The following FGF13 variants were observed in gnomAD, a reference collection of about 807,000 sequenced individuals.
FGF13 encodes fibroblast growth factor 13.
Under a neutral mutation model 19.5 loss-of-function variants are expected in FGF13, and 2 were observed. That is an observed-to-expected ratio of 0.10 (90% CI 0.04 to 0.32). The LOEUF (loss-of-function observed/expected upper bound fraction) is 0.32, where lower values mean the gene tolerates loss of function less well. FGF13 is among the 10% of genes least tolerant of loss of function. FGF13 has a pLI of 1.00. For synonymous variants in FGF13, 72 were observed against 76.9 expected, an observed-to-expected ratio of 0.94 and a Z score of 0.33; for missense variants, 113 against 192.7, an observed-to-expected ratio of 0.59 and a Z score of 2.45.
intron 3 of FGF13, among the ~76,000 whole-genome samples, chrX:138,776,162 T>C (rs147476211): frequency 6.9e-4 from 78 of 112,311 alleles, no homozygotes; most frequent in African/African-American, 2.5e-3. Context: ...ACTGATATTA[T>C]GTATTTGTGC....
rs188890920 is a variant in FGF13 at position 138,631,271 on chromosome X, A to C, written c.*1579T>G. On this transcript the variant is annotated 3_prime_UTR_variant, in exon 5 of 5. Coordinates refer to ENST00000315930, the MANE Select transcript of FGF13 (RefSeq NM_004114.5). The stretch of plus-strand genomic sequence containing the variant: ...CCTGTGTATTCCCTCTAGAGAGGAG[A>C]GAAATAAGCAACAGAGAGGGGAAAT... 6 of 112,234 alleles carry C rather than the reference A, an allele frequency of 5.3e-5. No individual in the cohort carries two copies. The highest frequency in any genetic ancestry group is 1.9e-4 in the African/African-American group (6 of 30,917). 9.2% of individuals were successfully genotyped at this position (112,234 alleles called of 1,213,427 possible).
chrX:138,990,392 C>T (rs975439156), intron 1 of FGF13: 9 of 110,602 alleles, frequency 8.1e-5, no homozygotes, highest in African/African-American at 3.0e-4. Flanking sequence ...TATATTTAGA[C>T]AGACTTGGTT....
chrX:138,930,189 G>A (rs1054512165), intron 1 of FGF13, among the ~76,000 whole-genome samples: 2 of 111,361 alleles, frequency 1.8e-5, no homozygotes, highest in African/African-American at 6.5e-5. Context: ...TATATAACTT[G>A]TTCACATTGA....
At chrX:139,160,990 T>C (rs1015289752) in intron 1 of FGF13, among the ~76,000 whole-genome samples, 3 of 111,984 alleles carry the variant, frequency 2.7e-5, no homozygotes, top group African/African-American at 9.8e-5. Flanking sequence ...CCCTAACTCA[T>C]TTTATGAGGC....
intron 1 of FGF13, among the ~76,000 whole-genome samples, chrX:139,000,831 A>G (rs2092069712): frequency 8.9e-6 from 1 of 112,010 alleles, no homozygotes; most frequent in South Asian, 3.7e-4. Context: ...TTGGAAAAAA[A>G]CAACTTTAAA....
At chrX:138,966,886 T>C (rs1437334958) in intron 1 of FGF13, among the ~76,000 whole-genome samples, 2 of 111,202 alleles carry the variant, frequency 1.8e-5, no homozygotes, top group African/African-American at 3.3e-5. Context: ...CCCATACTAC[T>C]CTTGTGATAG....
intron 3 of FGF13, among the ~76,000 whole-genome samples, chrX:138,822,925 T>C (rs1401499709): frequency 9.0e-6 from 1 of 111,711 alleles, no homozygotes; most frequent in Non-Finnish European, 1.9e-5. Context: ...GCTATGAACA[T>C]ACAGTGTGGT....
rs2124248674 is a variant in FGF13, at chrX:138,708,876, G to A, written c.240C>T (p.His80=). The A allele has an allele frequency of 2.5e-6, 3 of 1,210,701 alleles. No individual in the cohort carries two copies. Among genetic ancestry groups the A allele is most frequent in the South Asian group, 3.5e-5 (2 of 56,885 alleles). ...VTKLYSRQGY[H]LQLQADGTID... ...TGGTTCCATCCGCCTGCAGCTGCAA[G>A]TGGTAGCCTTGTCGGCTGTATAGCT... is the stretch of plus-strand genomic sequence containing the variant. The change falls in exon 2 of 5, where the codon CAC becomes CAT. Residue 80 remains histidine (H), a synonymous_variant. Coordinates refer to ENST00000315930, the MANE Select transcript of FGF13 (RefSeq NM_004114.5).
chrX:138,666,973 G>A (rs763844520), intron 3 of FGF13, among the ~76,000 whole-genome samples: 37 of 108,779 alleles, frequency 3.4e-4, no homozygotes, highest in Non-Finnish European at 6.1e-4. Context: ...ATATATAGAG[G>A]AATAGTCATA....
chrX:138,849,362 A>G (rs1251804127), intron 3 of FGF13, among the ~76,000 whole-genome samples: 2 of 112,201 alleles, frequency 1.8e-5, no homozygotes, highest in Admixed American at 9.5e-5. Context: ...ACATAAATAT[A>G]TGATCAGTGT....
At chrX:138,924,223 G>A (rs2091660857) in intron 1 of FGF13, among the ~76,000 whole-genome samples, 1 of 111,868 alleles carries the variant, frequency 8.9e-6, no homozygotes, top group African/African-American at 3.3e-5. Flanking sequence ...AGGCATGCCA[G>A]GATCTTATGG....
intron 3 of FGF13, among the ~76,000 whole-genome samples, chrX:138,673,963 C>A (rs898314827): frequency 9.0e-6 from 1 of 110,819 alleles, no homozygotes; most frequent in Non-Finnish European, 1.9e-5. Flanking sequence ...GTTTTCTCTG[C>A]GAATTAAAAG....
At chrX:138,852,885 A>G (rs2091231786), downstream of FGF13, among the ~76,000 whole-genome samples, 1 of 111,448 alleles carries the variant, frequency 9.0e-6, no homozygotes, top group Admixed American at 9.6e-5. Context: ...CCCCATTAAA[A>G]AGTGGGCAAA....
chrX:138,977,552 C>T (rs1395585173), intron 1 of FGF13, among the ~76,000 whole-genome samples: 1 of 112,507 alleles, frequency 8.9e-6, no homozygotes, highest in Non-Finnish European at 1.9e-5. Flanking sequence ...AAGAAATTGG[C>T]CTTTGCACCA....
chrX:138,988,247 G>A (rs1176864854), intron 1 of FGF13, among the ~76,000 whole-genome samples: 1 of 112,107 alleles, frequency 8.9e-6, no homozygotes, highest in African/African-American at 3.2e-5. Flanking sequence ...CTAGCCATAT[G>A]CTAACATCTC....
intron 1 of FGF13, among the ~76,000 whole-genome samples, chrX:138,961,946 T>C (rs1365178262): frequency 8.9e-6 from 1 of 111,916 alleles, no homozygotes; most frequent in Non-Finnish European, 1.9e-5. Context: ...AAGGACTTCA[T>C]GTCTAAAACA....
chrX:138,867,782 A>AATCTATCTATCTATCTATCT (rs11461039), intron 1 of FGF13, among the ~76,000 whole-genome samples: 6 of 94,459 alleles, frequency 6.4e-5, no homozygotes, highest in Admixed American at 1.2e-4. Context: ...ACTGTCTCTA[A>AATCTATCTATCTATCTATCT]ATCTATCTAT....
At chrX:138,835,358 GGATA>G (rs2091104813) in intron 3 of FGF13, among the ~76,000 whole-genome samples, 1 of 112,048 alleles carries the variant, frequency 8.9e-6, no homozygotes, top group African/African-American at 3.2e-5. Context: ...TAAATATTTA[GGATA>G]GTTAGATCTT....
intron 1 of FGF13, among the ~76,000 whole-genome samples, chrX:138,731,667 A>C (rs2090232669): frequency 9.0e-6 from 1 of 110,852 alleles, no homozygotes; most frequent in East Asian, 2.8e-4. Flanking sequence ...AGTAGGAAGA[A>C]AGAAGTAATA....
Sources: gnomAD v4.1 joint callset for allele counts (sites outside exome capture counted in the v4.1 genomes callset) on GRCh38, gnomAD v4.1.1 for gene constraint, MANE v1.5 for transcripts, NCBI Gene and HGNC (gene_info 2026-07-23, HGNC 2026-07-21) for gene names.